The following NTRK3 variants were observed in gnomAD, a reference collection of about 807,000 sequenced individuals.
The protein encoded by NTRK3 is NT-3 growth factor receptor.
Under a neutral mutation model 91.7 loss-of-function variants are expected in NTRK3, and 24 were observed. The observed-to-expected ratio is 0.26, with a 90% CI of 0.19 to 0.37. The LOEUF (loss-of-function observed/expected upper bound fraction) is 0.37, where lower values mean the gene tolerates loss of function less well. Ranked by LOEUF, NTRK3 falls within the 10% of genes least tolerant of loss-of-function variation. NTRK3 has a pLI of 1.00. For missense variants in NTRK3, 880 were observed against 1,068.9 expected, an observed-to-expected ratio of 0.82 and a Z score of 2.46; for synonymous variants, 483 against 404.0, an observed-to-expected ratio of 1.20 and a Z score of -2.34.
chr15:87,874,233 C>T (rs1459378181), exon 19 of NTRK3: 2 of 224,452 alleles, frequency 8.9e-6, no homozygotes, highest in Admixed American at 1.1e-4. Context: ...TCTGCCAAGG[C>T]TAATATATCA....
At chr15:87,921,010 G>T (rs956867327) in intron 17 of NTRK3, among the ~76,000 whole-genome samples, 4 of 152,108 alleles carry the variant, frequency 2.6e-5, no homozygotes, top group Non-Finnish European at 4.4e-5. Flanking sequence ...TTTTGCCAAG[G>T]TACCCTGGTT....
intron 14 of NTRK3, among the ~76,000 whole-genome samples, chr15:87,994,726 A>G (rs947806953): frequency 2.6e-5 from 4 of 152,228 alleles, no homozygotes; most frequent in African/African-American, 9.6e-5. Flanking sequence ...CAGGAACATA[A>G]GGCAGGAATA....
intron 13 of NTRK3, among the ~76,000 whole-genome samples, chr15:88,101,297 C>T (rs1487011743): frequency 2.0e-5 from 3 of 152,110 alleles, no homozygotes; most frequent in South Asian, 2.1e-4. Flanking sequence ...CAGAGAAATG[C>T]AAATCAAAAC....
chr15:88,107,951 G>A (rs1419281461), intron 13 of NTRK3, among the ~76,000 whole-genome samples: 2 of 152,014 alleles, frequency 1.3e-5, no homozygotes, highest in African/African-American at 2.4e-5. Flanking sequence ...CCAAGGTGGA[G>A]AGCAAGCGAC....
intron 6 of NTRK3, among the ~76,000 whole-genome samples, chr15:88,138,658 C>A (rs987831417): frequency 1.3e-5 from 2 of 152,210 alleles, no homozygotes; most frequent in Non-Finnish European, 2.9e-5. Flanking sequence ...GTTTCCACTG[C>A]CTGCCAAGCT....
chr15:88,093,074 G>GTT (rs377164481), intron 13 of NTRK3, among the ~76,000 whole-genome samples: 11 of 108,466 alleles, frequency 1.0e-4, no homozygotes, highest in South Asian at 3.2e-4. Context: ...TGTTTTTTTT[G>GTT]TTTTTTTTTT....
exon 1 of NTRK3, chr15:88,256,722 G>T: frequency 2.8e-6 from 1 of 363,568 alleles, no homozygotes; most frequent in Middle Eastern, 6.9e-4. Context: ...CCGCGCGGCT[G>T]CAGAAATGTA....
At chr15:87,872,712 C>T (rs1347118037) in exon 19 of NTRK3, 3 of 232,722 alleles carry the variant, frequency 1.3e-5, no homozygotes, top group Non-Finnish European at 2.5e-5. Flanking sequence ...CTACCAGTCA[C>T]CAGGCCTTCT....
intron 5 of NTRK3, among the ~76,000 whole-genome samples, chr15:88,181,137 C>T (rs1401444661): frequency 2.0e-5 from 3 of 152,102 alleles, no homozygotes; most frequent in Non-Finnish European, 2.9e-5. Context: ...CCATCCTTCT[C>T]GGTAATCACC....
chr15:87,922,348 C>T (rs1567110797), intron 17 of NTRK3, among the ~76,000 whole-genome samples: 1 of 152,110 alleles, frequency 6.6e-6, no homozygotes, highest in Non-Finnish European at 1.5e-5. Flanking sequence ...CTGGAAGGCA[C>T]CTTAGAGAGC....
intron 10 of NTRK3, chr15:88,131,844 T>A (rs754323464): frequency 4.9e-5 from 9 of 182,442 alleles, no homozygotes; most frequent in Admixed American, 1.3e-4. Context: ...GTGGGAGGGT[T>A]CAGGCATTCA....
At chr15:88,004,380 A>G (rs1320117210) in intron 14 of NTRK3, among the ~76,000 whole-genome samples, 1 of 152,178 alleles carries the variant, frequency 6.6e-6, no homozygotes, top group Non-Finnish European at 1.5e-5. Flanking sequence ...GATCAGAAAA[A>G]CGGGCAGATA....
chr15:88,127,992 A>C (rs909916583), intron 11 of NTRK3, among the ~76,000 whole-genome samples: 1 of 152,222 alleles, frequency 6.6e-6, no homozygotes, highest in Non-Finnish European at 1.5e-5. Flanking sequence ...AACTAAAGAA[A>C]TCACAGATAT....
intron 14 of NTRK3, among the ~76,000 whole-genome samples, chr15:87,965,436 C>T (rs1043173346): frequency 2.0e-5 from 3 of 152,150 alleles, no homozygotes; most frequent in African/African-American, 7.2e-5. Context: ...TGATGCTGGT[C>T]ACGGCATCCA....
intron 13 of NTRK3, among the ~76,000 whole-genome samples, chr15:88,052,098 C>G (rs915117395): frequency 1.3e-5 from 2 of 152,212 alleles, no homozygotes; most frequent in African/African-American, 4.8e-5. Context: ...ACCCTGTTAA[C>G]TATGCTGGAT....
At chr15:87,952,490 C>T (rs1388299056) in intron 14 of NTRK3, among the ~76,000 whole-genome samples, 1 of 152,074 alleles carries the variant, frequency 6.6e-6, no homozygotes, top group African/African-American at 2.4e-5. Context: ...AGCCTCTCTG[C>T]GAACCCCCAC....
intron 17 of NTRK3, among the ~76,000 whole-genome samples, chr15:87,921,690 C>T (rs920953505): frequency 1.3e-5 from 2 of 152,078 alleles, no homozygotes; most frequent in African/African-American, 4.8e-5. Flanking sequence ...GGAGAAAAAG[C>T]TTGTCTGATT....
At chr15:88,230,378 C>T (rs2051077043) in intron 3 of NTRK3, among the ~76,000 whole-genome samples, 1 of 152,272 alleles carries the variant, frequency 6.6e-6, no homozygotes, top group Non-Finnish European at 1.5e-5. Context: ...CTGCAGAGCA[C>T]ATGTTCTCAT....
intron 13 of NTRK3, among the ~76,000 whole-genome samples, chr15:88,074,725 T>A (rs994296872): frequency 6.6e-6 from 1 of 152,208 alleles, no homozygotes; most frequent in Non-Finnish European, 1.5e-5. Flanking sequence ...ACCATCCCAT[T>A]TCTACCATCA....
Sources: gnomAD v4.1 joint callset for allele counts (sites outside exome capture counted in the v4.1 genomes callset) on GRCh38, gnomAD v4.1.1 for gene constraint, MANE v1.5 for transcripts, NCBI Gene and HGNC (gene_info 2026-07-23, HGNC 2026-07-21) for gene names.